ELAVL2: variants seen among roughly 807,000 people sequenced by gnomAD.
ELAVL2 encodes ELAV like RNA binding protein 2, also known as ELAV-like protein 2.
ELAVL2 carries 4 observed loss-of-function variants against 34.6 expected under a neutral mutation model. That is an observed-to-expected ratio of 0.12 (90% CI 0.06 to 0.26). The LOEUF (loss-of-function observed/expected upper bound fraction) is 0.26, where lower values mean the gene tolerates loss of function less well. ELAVL2 is among the 10% of genes least tolerant of loss of function. The pLI is 1.00. For missense variants in ELAVL2, 432 were observed against 442.8 expected, an observed-to-expected ratio of 0.98 and a Z score of 0.22; for synonymous variants, 193 against 154.8, an observed-to-expected ratio of 1.25 and a Z score of -1.83.
intron 1 of ELAVL2, among the ~76,000 whole-genome samples, chr9:23,775,194 T>G (rs997059324): frequency 6.6e-6 from 1 of 152,156 alleles, no homozygotes; most frequent in Admixed American, 6.5e-5. Context: ...GGAAAGAAAC[T>G]AGCAATTATT....
At chr9:23,802,617 C>G (rs1361530248) in intron 1 of ELAVL2, among the ~76,000 whole-genome samples, 1 of 152,208 alleles carries the variant, frequency 6.6e-6, no homozygotes, top group Non-Finnish European at 1.5e-5. Flanking sequence ...CAGTGGTTCT[C>G]AAAGCATAGC....
intron 1 of ELAVL2, among the ~76,000 whole-genome samples, chr9:23,813,584 T>C (rs1383423873): frequency 2.6e-5 from 4 of 152,020 alleles, no homozygotes; most frequent in East Asian, 3.9e-4. Context: ...TCTGAATAAA[T>C]AGAAGCAGGC....
In ELAVL2 at chr9:23,731,118, G is replaced by A. The variant is rs1168980694; in HGVS notation, c.237C>T (p.Ser79=). The A allele has an allele frequency of 2.5e-6, 4 of 1,611,302 alleles. No homozygotes were observed. ...TGTAGTTCACAAAGCCATATCCCAA[G>A]CTCTGCCCTAATGAAAAGGAAGGGG... is the stretch of plus-strand genomic sequence containing the variant. The part of the protein sequence containing the change: ...KLVRDKITGQ[S]LGYGFVNYID... The change falls in exon 3 of 7, where the codon AGC becomes AGT. Residue 79 remains serine, a synonymous_variant. Coordinates refer to ENST00000397312, the MANE Select transcript of ELAVL2 (RefSeq NM_004432.5).
chr9:23,738,198 T>A (rs979438589), intron 2 of ELAVL2, among the ~76,000 whole-genome samples: 2 of 152,220 alleles, frequency 1.3e-5, no homozygotes, highest in Non-Finnish European at 2.9e-5. Flanking sequence ...ATCTCAGATC[T>A]GATACACAGC....
At chr9:23,734,780 G>A (rs545488175) in intron 2 of ELAVL2, among the ~76,000 whole-genome samples, 98 of 151,666 alleles carry the variant, frequency 6.5e-4, no homozygotes, top group African/African-American at 2.2e-3. Context: ...ATAAATGAGC[G>A]CACAGTTTTT....
chr9:23,693,503 T>A lies in ELAVL2; in HGVS notation c.714-17A>T. The A allele has an allele frequency of 5.0e-6, 8 of 1,614,094 alleles. No individual in the cohort carries two copies. Among genetic ancestry groups the A allele is most frequent in the Non-Finnish European group, 5.9e-6 (7 of 1,179,950 alleles). ...TTGTCCAACCTGCAAAACACACATT[T>A]AGCAAACTTCAGTTTTTAATTTTTC... On this transcript the variant is annotated splice_polypyrimidine_tract_variant and intron_variant, in intron 5 of 6. Transcript: ENST00000397312.
intron 2 of ELAVL2, among the ~76,000 whole-genome samples, chr9:23,744,772 T>C (rs1446935802): frequency 6.6e-6 from 1 of 152,012 alleles, no homozygotes; most frequent in Non-Finnish European, 1.5e-5. Context: ...ATAAAAATAA[T>C]AATTAAATCT....
intron 3 of ELAVL2, among the ~76,000 whole-genome samples, chr9:23,726,040 A>G (rs2045060252): frequency 6.6e-6 from 1 of 152,116 alleles, no homozygotes; most frequent in Non-Finnish European, 1.5e-5. Context: ...ATGTAGTTCT[A>G]TATTCCTATG....
In ELAVL2 at chr9:23,704,986, T is replaced by A. The variant is rs1008572347; in HGVS notation, c.419A>T (p.Glu140Val). 1 of 1,614,160 alleles carries A rather than the reference T, an allele frequency of 6.2e-7. No homozygotes were observed. The highest frequency in any genetic ancestry group is 2.2e-5 in the East Asian group (1 of 44,868). Residue 140 changes from glutamate (E) to valine (V), a missense_variant, in exon 4 of 7, where the codon GAG becomes GTG. Physicochemically the swap from Glu to Val is moderately radical, Grantham distance 121. Coordinates refer to ENST00000397312, the MANE Select transcript of ELAVL2 (RefSeq NM_004432.5). ...SGLPKTMTQK[E>V]LEQLFSQYGR... Reference sequence around the variant, plus strand: ...ATATTGTGAAAAAAGCTGTTCCAACTCCTTCTGGGTCATTGTTTTTGGAAG... The same window carrying A: ...ATATTGTGAAAAAAGCTGTTCCAACACCTTCTGGGTCATTGTTTTTGGAAG...
At chr9:23,726,221 A>C (rs2045111141) in intron 3 of ELAVL2, among the ~76,000 whole-genome samples, 1 of 152,134 alleles carries the variant, frequency 6.6e-6, no homozygotes, top group African/African-American at 2.4e-5. Context: ...CTCAAACTGA[A>C]CACAAAAAAT....
At chr9:23,734,506 A>G (rs764186466) in intron 2 of ELAVL2, among the ~76,000 whole-genome samples, 1 of 152,188 alleles carries the variant, frequency 6.6e-6, no homozygotes, top group African/African-American at 2.4e-5. Flanking sequence ...ACTCCACTCA[A>G]TTAACTAGTT....
chr9:23,771,114 G>A (rs2057229138), intron 1 of ELAVL2, among the ~76,000 whole-genome samples: 1 of 152,202 alleles, frequency 6.6e-6, no homozygotes, highest in East Asian at 1.9e-4. Context: ...TTTGGAAACA[G>A]ACCAGTCAAG....
chr9:23,707,577 C>A (rs1232301998), intron 3 of ELAVL2, among the ~76,000 whole-genome samples: 1 of 152,176 alleles, frequency 6.6e-6, no homozygotes, highest in African/African-American at 2.4e-5. Context: ...TGCATGAGAT[C>A]AAGTGTCACA....
intron 1 of ELAVL2, among the ~76,000 whole-genome samples, chr9:23,823,725 C>T (rs1231184626): frequency 3.3e-5 from 5 of 152,228 alleles, no homozygotes; most frequent in Non-Finnish European, 2.9e-5. Context: ...AAGGCCCAAA[C>T]ACATTTCCTA....
In ELAVL2 at chr9:23,768,103, C is replaced by T. The variant is rs78750062; in HGVS notation, c.-15-5854G>A. ...TACCTTAACAATGTTCCCAGGTAGA[C>T]TTTCTAAACCCTCCCACAGCTCCCT... On this transcript the variant is annotated intron_variant, in intron 1 of 6. Coordinates refer to ENST00000397312, the MANE Select transcript of ELAVL2 (RefSeq NM_004432.5). Among the ~76,000 whole-genome samples, 33 of 152,290 alleles carry T rather than the reference C, an allele frequency of 2.2e-4. No individual in the cohort carries two copies. In the East Asian group the frequency reaches 6.4e-3, roughly 29 times the overall value.
intron 1 of ELAVL2, among the ~76,000 whole-genome samples, chr9:23,806,445 G>C (rs1478438370): frequency 6.6e-6 from 1 of 152,020 alleles, no homozygotes; most frequent in Non-Finnish European, 1.5e-5. Context: ...AGACAAGCCT[G>C]GGTAAGATGG....
In ELAVL2 at chr9:23,818,526, G is replaced by T. The variant is rs541153459; in HGVS notation, c.-16+7280C>A. Among the ~76,000 whole-genome samples the T allele has an allele frequency of 8.7e-4, 133 of 152,182 alleles. 1 individual carries two copies. The highest frequency in any genetic ancestry group is 6.8e-3 in the Middle Eastern group (2 of 294). ...AATGTGGTAGCTTACTATCATTTTT[G>T]ACCTGTCCAGCTGAGTAGCCAAGAA... On this transcript the variant is annotated intron_variant, in intron 1 of 6. Coordinates refer to ENST00000397312, the MANE Select transcript of ELAVL2 (RefSeq NM_004432.5).
chr9:23,846,286 T>C, the ELAVL2 span, among the ~76,000 whole-genome samples: 1 of 151,888 alleles, frequency 6.6e-6, no homozygotes, highest in Non-Finnish European at 1.5e-5. Context: ...AAAATCCCCC[T>C]TAATCACTGT....
At chr9:23,805,619 A>T (rs1002035089) in intron 1 of ELAVL2, among the ~76,000 whole-genome samples, 1 of 152,200 alleles carries the variant, frequency 6.6e-6, no homozygotes, top group African/African-American at 2.4e-5. Context: ...ATACCACAGG[A>T]GAACCTGGCC....
Sources: gnomAD v4.1 joint callset for allele counts (sites outside exome capture counted in the v4.1 genomes callset) on GRCh38, gnomAD v4.1.1 for gene constraint, MANE v1.5 for transcripts, NCBI Gene and HGNC (gene_info 2026-07-23, HGNC 2026-07-21) for gene names.